Variants in ADAMTS17 observed in about 807,000 individuals in gnomAD.
The protein encoded by ADAMTS17 is A disintegrin and metalloproteinase with thrombospondin motifs 17.
Under a neutral mutation model 141.5 loss-of-function variants are expected in ADAMTS17, and 113 were observed. That is an observed-to-expected ratio of 0.80 (90% confidence interval 0.69 to 0.93). The LOEUF is 0.93. ADAMTS17 is among the 40% of genes least tolerant of loss of function. The pLI is 0.00. For synonymous variants in ADAMTS17, 768 were observed against 630.6 expected (o/e 1.22, Z -3.27); for missense variants, 1,659 against 1,517.9 (o/e 1.09, Z -1.54).
intron 15 of ADAMTS17, among the ~76,000 whole-genome samples, chr15:100,057,227 G>C (rs901325284): frequency 1.3e-5 from 2 of 152,188 alleles, no homozygotes; most frequent in African/African-American, 4.8e-5. Context: ...AAGGAGGCAA[G>C]AGAGGGAGAG....
intron 8 of ADAMTS17, among the ~76,000 whole-genome samples, chr15:100,197,494 G>T (rs1346836486): frequency 6.6e-6 from 1 of 152,050 alleles, no homozygotes; most frequent in African/African-American, 2.4e-5. Flanking sequence ...ATCACTCTTG[G>T]ATACAGGATT....
chr15:99,976,145 G>C lies in ADAMTS17; in HGVS notation c.3027C>G (p.Ser1009Arg). 1.9e-6 allele frequency: 3 copies of C among 1,550,812 alleles called. No homozygotes were observed. Among genetic ancestry groups the C allele is most frequent in the Non-Finnish European group, 2.6e-6 (3 of 1,146,938 alleles). ...CMHKVTGRHGSECPALSKPAP... is the reference protein window; with the variant it reads ...CMHKVTGRHGRECPALSKPAP... The stretch of plus-strand genomic sequence containing the variant: ...CAGGCTTCGAGAGGGCGGGGCACTC[G>C]CTGCCGTGGCGCCCTGTGACCTTGT... The change falls in exon 21 of 22, where the codon AGC (serine) becomes AGG (arginine). Residue 1009 changes from serine to arginine, a missense_variant. Coordinates refer to ENST00000268070, the MANE Select transcript of ADAMTS17 (RefSeq NM_139057.4).
chr15:100,064,999 T>C (rs2033413010), intron 15 of ADAMTS17, among the ~76,000 whole-genome samples: 1 of 152,176 alleles, frequency 6.6e-6, no homozygotes, highest in South Asian at 2.1e-4. Context: ...AAATTAGAGA[T>C]TTCTAGGTTC....
chr15:100,110,167 GTA>G (rs67651654), intron 13 of ADAMTS17, among the ~76,000 whole-genome samples: 71,313 of 140,146 alleles, frequency 0.51, 18,857 homozygotes, highest in Non-Finnish European at 0.58. Flanking sequence ...GAAAGACTCA[GTA>G]TATATATATA....
At position 99,993,108 on chromosome 15, in the gene ADAMTS17, G is replaced by A. The variant is rs755066690; in HGVS notation, c.2889C>T (p.Ala963=). 14 of 1,613,974 alleles carry A rather than the reference G, an allele frequency of 8.7e-6. No homozygotes were observed. The highest frequency in any genetic ancestry group is 1.1e-5 in the South Asian group (1 of 91,070). Residue 963 remains alanine, a synonymous_variant, in exon 20 of 22, where the codon GCC becomes GCT. Coordinates refer to ENST00000268070, the MANE Select transcript of ADAMTS17 (RefSeq NM_139057.4). This position sits in a 1 kb window ranked among gnomAD's most constrained non-coding sequence, Gnocchi z 4.3. ...CTGAGTAGTCCTCGCAGGCCTCCTC[G>A]GCTCTCGGCCTCGTGGATGCGTCGC... The part of the protein sequence containing the change: ...GKCDASTRPR[A]EEACEDYSGC...
intron 8 of ADAMTS17, among the ~76,000 whole-genome samples, chr15:100,159,710 G>C (rs1040426389): frequency 3.2e-4 from 48 of 152,208 alleles, no homozygotes; most frequent in African/African-American, 1.1e-3. Flanking sequence ...GTCTTAATCA[G>C]CATTAACAAT....
chr15:100,282,090 G>A (rs897699049), intron 3 of ADAMTS17, among the ~76,000 whole-genome samples: 1 of 152,038 alleles, frequency 6.6e-6, no homozygotes, highest in South Asian at 2.1e-4. Context: ...AACAGCTACT[G>A]TTATCAAAGA....
At chr15:100,164,042 C>T (rs930633733) in intron 8 of ADAMTS17, among the ~76,000 whole-genome samples, 1 of 152,202 alleles carries the variant, frequency 6.6e-6, no homozygotes, top group African/African-American at 2.4e-5. Flanking sequence ...GGCCTTCTTT[C>T]TCTGAAACCA....
intron 14 of ADAMTS17, among the ~76,000 whole-genome samples, chr15:100,105,510 A>G (rs1324158473): frequency 6.6e-6 from 1 of 152,194 alleles, no homozygotes; most frequent in Non-Finnish European, 1.5e-5. Flanking sequence ...TGTCACTCCC[A>G]TCACATCTGC....
At chr15:100,122,905 C>G (rs1236328912) in intron 12 of ADAMTS17, among the ~76,000 whole-genome samples, 1 of 152,152 alleles carries the variant, frequency 6.6e-6, no homozygotes, top group Admixed American at 6.5e-5. Context: ...CAGTTCAAAC[C>G]CATGTTGTTC....
chr15:100,319,067 C>A (rs1183947487), intron 3 of ADAMTS17, among the ~76,000 whole-genome samples: 1 of 152,164 alleles, frequency 6.6e-6, no homozygotes, highest in African/African-American at 2.4e-5. Flanking sequence ...GTGGAAGAGC[C>A]CTGGGGCATC....
intron 8 of ADAMTS17, among the ~76,000 whole-genome samples, chr15:100,157,682 A>G (rs1194627828): frequency 6.6e-6 from 1 of 152,068 alleles, no homozygotes; most frequent in Non-Finnish European, 1.5e-5. Flanking sequence ...AGAAAGTGCC[A>G]AAAAAATACC....
At chr15:100,320,019 G>A (rs1303246407) in intron 3 of ADAMTS17, among the ~76,000 whole-genome samples, 1 of 152,004 alleles carries the variant, frequency 6.6e-6, no homozygotes, top group Admixed American at 6.6e-5. Flanking sequence ...AGACAGCAGT[G>A]GAAAAGAATC....
At chr15:100,283,609 G>A (rs948114729) in intron 3 of ADAMTS17, among the ~76,000 whole-genome samples, 9 of 152,144 alleles carry the variant, frequency 5.9e-5, no homozygotes, top group Admixed American at 2.6e-4. Context: ...TGCTCCCCAC[G>A]TTGGTTATTC....
At position 100,054,011 on chromosome 15, in the gene ADAMTS17, C is replaced by T. The variant is rs1358483629; in HGVS notation, c.2181G>A (p.Lys727=). ...TCTGGAACTCTCCGGGGAGCTCTAT[C>T]TTCCAGTCACTGTTGATGGACCCCT... ...SGKGSINSDW[K]IELPGEFQIA... Residue 727 remains lysine, a synonymous_variant, in exon 16 of 22, where the codon AAG becomes AAA. Coordinates refer to ENST00000268070, the MANE Select transcript of ADAMTS17 (RefSeq NM_139057.4). The T allele has an allele frequency of 6.2e-7, 1 of 1,614,068 alleles. No homozygotes were observed. Among genetic ancestry groups the T allele is most frequent in the African/African-American group, 1.3e-5 (1 of 74,920 alleles).
In ADAMTS17 at chr15:99,977,371, TA is replaced by T; in HGVS notation, c.2950-1150del. On this transcript the variant is annotated intron_variant, in intron 20 of 21. Coordinates refer to ENST00000268070, the MANE Select transcript of ADAMTS17 (RefSeq NM_139057.4). Reference sequence around the variant, plus strand: ...CTTCATATATATATATATATATATATATATATATATATATATATATATATAT... The same window carrying T: ...CTTCATATATATATATATATATATATTATATATATATATATATATATATAT... Among the ~76,000 whole-genome samples the T allele has an allele frequency of 9.0e-4, 14 of 15,544 alleles. 2 individuals carry two copies. Among genetic ancestry groups the T allele is most frequent in the African/African-American group, 2.6e-3 (9 of 3,440 alleles). 10.2% of individuals were successfully genotyped at this position (15,544 alleles called of 152,430 possible). A position where few individuals can be genotyped will look rare whatever the true frequency, so the allele number is the denominator to read the frequency against.
Position 100,281,222 on chromosome 15 carries a change from G to C in ADAMTS17, c.789+7C>G. ...CCCCCACATCAGGACCCCGGCTCCG[G>C]ACTCACCATGTTCATGACGGTCAGG... is the stretch of plus-strand genomic sequence containing the variant. On this transcript the variant is annotated splice_region_variant and intron_variant, in intron 4 of 21. Coordinates refer to ENST00000268070, the MANE Select transcript of ADAMTS17 (RefSeq NM_139057.4). The C allele has an allele frequency of 6.2e-7, 1 of 1,603,622 alleles. No individual in the cohort carries two copies. The highest frequency in any genetic ancestry group is 8.5e-7 in the Non-Finnish European group (1 of 1,179,950).
At chr15:100,178,594 T>C (rs1199647092) in intron 8 of ADAMTS17, among the ~76,000 whole-genome samples, 1 of 152,132 alleles carries the variant, frequency 6.6e-6, no homozygotes, top group Non-Finnish European at 1.5e-5. Flanking sequence ...TCTTTTACTA[T>C]TGTTCTGTTG....
At chr15:100,297,773 G>C (rs2044875103) in intron 3 of ADAMTS17, among the ~76,000 whole-genome samples, 1 of 152,170 alleles carries the variant, frequency 6.6e-6, no homozygotes, top group African/African-American at 2.4e-5. Context: ...CAATGCCTCA[G>C]AGCTCACAGC....
Sources: gnomAD v4.1 joint callset for allele counts (sites outside exome capture counted in the v4.1 genomes callset) on GRCh38, gnomAD v4.1.1 for gene constraint, Gnocchi (gnomAD v3.1) non-coding constraint, MANE v1.5 for transcripts, NCBI Gene and HGNC (gene_info 2026-07-23, HGNC 2026-07-21) for gene names.